Variants in ENTPD6 observed in about 807,000 individuals in gnomAD.
The protein encoded by ENTPD6 is ectonucleoside triphosphate diphosphohydrolase 6.
Under a neutral mutation model 61.5 loss-of-function variants are expected in ENTPD6, and 46 were observed. The observed-to-expected ratio is 0.75, with a 90% CI of 0.59 to 0.96. ENTPD6 has a LOEUF of 0.96. Ranked by LOEUF, ENTPD6 falls within the 40% of genes least tolerant of loss-of-function variation. The pLI is 0.00. For missense variants in ENTPD6, 612 were observed against 629.0 expected, an observed-to-expected ratio of 0.97 and a Z score of 0.29; for synonymous variants, 252 against 255.5, an observed-to-expected ratio of 0.99 and a Z score of 0.13.
Position 25,227,748 on chromosome 20 carries a change from C to T in ENTPD6, c.*2151C>T, listed in dbSNP as rs879533794. Reference sequence around the variant, plus strand: ...TGAGCTGCCTCAGTCCTGCAGTCCCCGTGTTTGGATGGCAGGATCCCAGGG... The same window carrying T: ...TGAGCTGCCTCAGTCCTGCAGTCCCTGTGTTTGGATGGCAGGATCCCAGGG... On this transcript the variant is annotated 3_prime_UTR_variant, in exon 15 of 15. Transcript: ENST00000376652. Among the ~76,000 whole-genome samples the T allele has an allele frequency of 3.3e-5, 5 of 152,244 alleles. No individual in the cohort carries two copies. Among genetic ancestry groups the T allele is most frequent in the Admixed American group, 3.3e-4 (5 of 15,288 alleles).
rs2091588522 is a variant in ENTPD6, at chr20:25,207,353, C to T, written c.332C>T (p.Thr111Ile). 2 of 1,565,392 alleles carry T rather than the reference C, an allele frequency of 1.3e-6. No individual in the cohort carries two copies. The highest frequency in any genetic ancestry group is 1.7e-6 in the Non-Finnish European group (2 of 1,150,184). Residue 111 changes from threonine to isoleucine, a missense_variant, in exon 3 of 15, where the codon ACT becomes ATT. Transcript: ENST00000376652. ...FYGIMFDAGS[T>I]GTRVHVFQFT... is the part of the protein sequence containing the mutation. ...GGGATCATGTTTGATGCAGGAAGCA[C>T]TGGCACCCGAGTACACGTCTTCCAG...
At chr20:25,205,209 A>G (rs755064989) in intron 1 of ENTPD6, among the ~76,000 whole-genome samples, 1 of 152,106 alleles carries the variant, frequency 6.6e-6, no homozygotes, top group African/African-American at 2.4e-5. Flanking sequence ...ACCTACAGGA[A>G]TCAGGTCTAT....
chr20:25,223,575 T>A (rs1486094464), intron 12 of ENTPD6, among the ~76,000 whole-genome samples: 1 of 152,088 alleles, frequency 6.6e-6, no homozygotes, highest in African/African-American at 2.4e-5. Context: ...GCCGGCTCTC[T>A]GGGCCCTGCA....
intron 10 of ENTPD6, 21 bp downstream of exon 10, chr20:25,218,635 G>A (rs756061968): frequency 1.7e-5 from 27 of 1,584,830 alleles, no homozygotes; most frequent in Non-Finnish European, 2.1e-5. Flanking sequence ...ATGTTGCCCC[G>A]GGCCCACTTT....
At chr20:25,223,905 C>CA (rs2092716952) in intron 12 of ENTPD6, 196 bp from the exon 13 acceptor site, 2 of 451,772 alleles carry the variant, frequency 4.4e-6, no homozygotes, top group Non-Finnish European at 3.9e-6. Flanking sequence ...TCTCAGCCCC[C>CA]AAACCCACCC....
At position 25,225,502 on chromosome 20, in the gene ENTPD6, A is replaced by G. The variant is rs1304385305; in HGVS notation, c.1360A>G (p.Thr454Ala). ...GFPRSKVLKLTRKIDNVETSW... is the reference protein window; with the variant it reads ...GFPRSKVLKLARKIDNVETSW... ...TCTCCCTCTCTGTCTTTTCAAGCTC[A>G]CTCGGAAAATTGACAATGTTGAGAC... The change falls in exon 15 of 15, where the codon ACT becomes GCT. Residue 454 changes from threonine to alanine, a missense_variant. Thr to Ala is a moderately conservative substitution (Grantham distance 58). Coordinates refer to ENST00000376652, the MANE Select transcript of ENTPD6 (RefSeq NM_001247.5). 4 of 1,613,232 alleles carry G rather than the reference A, an allele frequency of 2.5e-6. No homozygotes were observed. The highest frequency in any genetic ancestry group is 3.4e-6 in the Non-Finnish European group (4 of 1,179,628).
chr20:25,218,699 C>T (rs2092483011), intron 10 of ENTPD6, 85 bp downstream of exon 10: 1 of 1,350,788 alleles, frequency 7.4e-7, no homozygotes, highest in South Asian at 1.4e-5. Context: ...CGGGAGGGCA[C>T]CAGCTTGGCC....
chr20:25,214,468 G>C (rs1325586942), intron 5 of ENTPD6, among the ~76,000 whole-genome samples: 2 of 152,202 alleles, frequency 1.3e-5, no homozygotes, highest in Non-Finnish European at 2.9e-5. Flanking sequence ...GTGTGCCCCA[G>C]CTTCCCCCAG....
intron 13 of ENTPD6, 72 bp from the exon 14 acceptor site, chr20:25,225,133 G>T: frequency 6.5e-7 from 1 of 1,542,500 alleles, no homozygotes. Context: ...GGGTGGAATT[G>T]GGGTCTGCAC....
chr20:25,206,198 G>A (rs982183328), intron 1 of ENTPD6, among the ~76,000 whole-genome samples: 1 of 152,228 alleles, frequency 6.6e-6, no homozygotes, highest in Non-Finnish European at 1.5e-5. Flanking sequence ...CAGAGCCGGT[G>A]CCACTTCCAG....
At chr20:25,208,471 T>G (rs1358007868) in intron 3 of ENTPD6, among the ~76,000 whole-genome samples, 1 of 141,386 alleles carries the variant, frequency 7.1e-6, no homozygotes, top group Non-Finnish European at 1.6e-5. Flanking sequence ...TAAGTGGAAC[T>G]TTTTAAAAAT....
intron 1 of ENTPD6, among the ~76,000 whole-genome samples, chr20:25,203,826 G>T (rs2091243472): frequency 6.6e-6 from 1 of 152,072 alleles, no homozygotes; most frequent in African/African-American, 2.4e-5. Context: ...TTTTTTTGCT[G>T]AACATTGGGC....
rs554775219 is a variant in ENTPD6 at position 25,195,736 on chromosome 20, G to T, written c.-147G>T. ...GGCGGAGCCCAGGCCCTAGGGAATC[G>T]TGGGGTCGTATCCCGCGGGTGGAGG... On this transcript the variant is annotated 5_prime_UTR_variant, in exon 1 of 15. Transcript: ENST00000376652. The T allele has an allele frequency of 1.5e-4, 109 of 721,664 alleles. No homozygotes were observed. In the African/African-American group the frequency reaches 1.9e-3, roughly 12 times the overall value. 44.7% of individuals were successfully genotyped at this position (721,664 alleles called of 1,614,324 possible). A position where few individuals can be genotyped will look rare whatever the true frequency, so the allele number is the denominator to read the frequency against.
rs956509543 is a variant in ENTPD6, at chr20:25,195,740, G to C, written c.-143G>C. The C allele has an allele frequency of 1.3e-5, 10 of 741,906 alleles. No individual in the cohort carries two copies. The South Asian group carries it at 3.3e-4, about 25-fold the overall frequency. The allele number at this position is 741,906 out of a possible 1,614,324, so 46.0% of individuals were successfully genotyped here. ...GAGCCCAGGCCCTAGGGAATCGTGG[G>C]GTCGTATCCCGCGGGTGGAGGCCGG... On this transcript the variant is annotated 5_prime_UTR_variant, in exon 1 of 15. Transcript: ENST00000376652.
rs771320792 is a variant in ENTPD6, at chr20:25,218,585, C to T, written c.914C>T (p.Ala305Val). The T allele has an allele frequency of 2.7e-5, 43 of 1,607,884 alleles. No individual in the cohort carries two copies. The highest frequency in any genetic ancestry group is 3.4e-5 in the Admixed American group (2 of 59,596). ...CTCGGGCTGATGTCGGCACGCCTGG[C>T]GATCCTGGGCGGCGTGGAGGGGCAG... ...LGLGLMSARL[A>V]ILGGVEGQPA... The change falls in exon 10 of 15, where the codon GCG becomes GTG. Residue 305 changes from alanine to valine, a missense_variant. Ala to Val is a moderately conservative substitution (Grantham distance 64). Coordinates refer to ENST00000376652, the MANE Select transcript of ENTPD6 (RefSeq NM_001247.5).
rs74455766 is a variant in ENTPD6, at chr20:25,218,972, G to A, written c.943+358G>A. 8.7e-3 allele frequency among the ~76,000 whole-genome samples: 1,326 copies of A among 152,346 alleles called. 16 individuals carry two copies. Among genetic ancestry groups the A allele is most frequent in the African/African-American group, 0.03 (1,240 of 41,580 alleles). On this transcript the variant is annotated intron_variant, in intron 10 of 14. Transcript: ENST00000376652. ...TCCCAGCTCACTGCAGCCTCTGCCTGCCGGGTTCCAGCAATTTTCATACCT... is the reference window on the plus strand; with the variant it reads ...TCCCAGCTCACTGCAGCCTCTGCCTACCGGGTTCCAGCAATTTTCATACCT...
At chr20:25,203,420 G>A (rs944220469) in intron 1 of ENTPD6, among the ~76,000 whole-genome samples, 1 of 152,122 alleles carries the variant, frequency 6.6e-6, no homozygotes, top group Non-Finnish European at 1.5e-5. Flanking sequence ...TGCACGTGAG[G>A]GAGGCCCCTA....
intron 7 of ENTPD6, among the ~76,000 whole-genome samples, 173 bp downstream of exon 7, chr20:25,215,884 T>C (rs11087505): frequency 6.6e-6 from 1 of 151,984 alleles, no homozygotes; most frequent in Non-Finnish European, 1.5e-5. Flanking sequence ...CACCCACCTG[T>C]CTCACAGGTG....
Position 25,216,690 on chromosome 20 carries a change from A to G in ENTPD6, c.752A>G (p.Asp251Gly), listed in dbSNP as rs200123256. 3.1e-6 allele frequency: 5 copies of G among 1,607,868 alleles called. No homozygotes were observed. The highest frequency in any genetic ancestry group is 4.2e-6 in the Non-Finnish European group (5 of 1,177,754). The change falls in exon 8 of 15, where the codon GAC (aspartate) becomes GGC (glycine). Residue 251 changes from aspartate (D) to glycine (G), a missense_variant. Transcript: ENST00000376652. ...GGAGGGAGCAGCGTGGGCATGCTGG[A>G]CTTGGGCGGAGGATCCACTCAGATC... Reference protein sequence around the residue: ...TPGGSSVGMLDLGGGSTQIAF... With the variant: ...TPGGSSVGMLGLGGGSTQIAF...
Sources: allele counts gnomAD v4.1 joint callset (sites outside exome capture counted in the v4.1 genomes callset), GRCh38; gene constraint gnomAD v4.1.1; transcripts MANE v1.5; gene names NCBI Gene and HGNC (gene_info 2026-07-23, HGNC 2026-07-21).